The following PCDH15 variants were observed in gnomAD, a reference collection of about 807,000 sequenced individuals.
The protein encoded by PCDH15 is protocadherin related 15, also known as protocadherin-15.
Under a neutral mutation model 178.5 loss-of-function variants are expected in PCDH15, and 129 were observed. The observed-to-expected ratio is 0.72, with a 90% confidence interval of 0.63 to 0.84. The LOEUF (loss-of-function observed/expected upper bound fraction) is 0.84, where lower values mean the gene tolerates loss of function less well. Among genes scored for constraint, PCDH15 ranks in the 40% least tolerant of loss-of-function variants. The pLI, the probability that PCDH15 is intolerant of heterozygous loss-of-function variation, is 0.00. For missense variants in PCDH15, 2,230 were observed against 2,099.9 expected (o/e 1.06, Z -1.21); for synonymous variants, 800 against 732.0 (o/e 1.09, Z -1.50).
intron 2 of PCDH15, among the ~76,000 whole-genome samples, chr10:54,618,391 A>G (rs1000472149): frequency 1.3e-5 from 2 of 152,134 alleles, no homozygotes; most frequent in African/African-American, 4.8e-5. Context: ...AACATACATT[A>G]TGATGTAAAA....
At chr10:54,369,901 T>G (rs1274461498) in intron 4 of PCDH15, among the ~76,000 whole-genome samples, 1 of 152,034 alleles carries the variant, frequency 6.6e-6, no homozygotes, top group African/African-American at 2.4e-5. Context: ...TAGCATTTTT[T>G]GTATAATACT....
At chr10:54,801,592 T>C (rs1328616978), upstream of PCDH15, among the ~76,000 whole-genome samples, 2 of 152,222 alleles carry the variant, frequency 1.3e-5, no homozygotes, top group African/African-American at 2.4e-5. Context: ...GTTGACAAGA[T>C]AAAATAATCT....
At chr10:54,411,892 A>G (rs1343424563) in intron 3 of PCDH15, among the ~76,000 whole-genome samples, 1 of 152,136 alleles carries the variant, frequency 6.6e-6, no homozygotes, top group Non-Finnish European at 1.5e-5. Context: ...AGATTATTTA[A>G]TTTATTCTCT....
intron 1 of PCDH15, among the ~76,000 whole-genome samples, chr10:54,676,748 C>T (rs6481116): frequency 0.7 from 106,723 of 152,004 alleles, 39,950 homozygotes; most frequent in Middle Eastern, 0.86. Flanking sequence ...TACTATCTTA[C>T]GATTCAGCAA....
At chr10:53,946,238 A>C (rs1279590030) in intron 23 of PCDH15, among the ~76,000 whole-genome samples, 2 of 152,132 alleles carry the variant, frequency 1.3e-5, no homozygotes, top group South Asian at 2.1e-4. Context: ...CCCAGAATGC[A>C]GTGGAGGGAA....
In PCDH15 at chr10:55,164,839, G is replaced by A. The variant is rs868177151; in HGVS notation, c.-80+1737C>T. On this transcript the variant is annotated intron_variant, in intron 2 of 5. Coordinates refer to the PCDH15 transcript ENST00000458638. ...TTGTACACACTCTTACTACGCAAGC[G>A]GATTGAAAAGGTGTACGTGTAGAGT... Among the ~76,000 whole-genome samples, 31 of 152,110 alleles carry A rather than the reference G, an allele frequency of 2.0e-4. No homozygotes were observed. The Middle Eastern group carries it at 0.01, about 50-fold the overall frequency.
At chr10:54,636,731 C>A (rs2093862846) in intron 2 of PCDH15, among the ~76,000 whole-genome samples, 1 of 151,866 alleles carries the variant, frequency 6.6e-6, no homozygotes, top group African/African-American at 2.4e-5. Flanking sequence ...GAGCTAATGA[C>A]TGATATGACA....
intron 1 of PCDH15, among the ~76,000 whole-genome samples, chr10:55,212,051 AC>A (rs1364330196): frequency 2.0e-5 from 3 of 152,100 alleles, no homozygotes; most frequent in African/African-American, 7.3e-5. Context: ...GAAAACAGCT[AC>A]CTGTGGGCCA....
At chr10:54,024,836 T>G (rs1169971451) in intron 18 of PCDH15, among the ~76,000 whole-genome samples, 1 of 152,038 alleles carries the variant, frequency 6.6e-6, no homozygotes, top group South Asian at 2.1e-4. Flanking sequence ...AACACTGCCT[T>G]CTCCCTTTTT....
chr10:54,022,029 T>C (rs901995413), intron 19 of PCDH15, among the ~76,000 whole-genome samples: 1 of 152,108 alleles, frequency 6.6e-6, no homozygotes, highest in Non-Finnish European at 1.5e-5. Context: ...TTAATGTTTA[T>C]TGCTGAGTTC....
intron 1 of PCDH15, among the ~76,000 whole-genome samples, chr10:55,216,228 T>C (rs1394740659): frequency 6.6e-6 from 1 of 152,006 alleles, no homozygotes; most frequent in African/African-American, 2.4e-5. Flanking sequence ...TTCTGATATA[T>C]GTTGAAAGTC....
chr10:55,230,685 G>A (rs1027293383), intron 1 of PCDH15, among the ~76,000 whole-genome samples: 1 of 152,024 alleles, frequency 6.6e-6, no homozygotes, highest in Non-Finnish European at 1.5e-5. Context: ...GTGTCTCAGT[G>A]TGATGTCATG....
chr10:54,381,313 C>T (rs145402555), intron 3 of PCDH15, among the ~76,000 whole-genome samples: 24 of 152,134 alleles, frequency 1.6e-4, no homozygotes, highest in African/African-American at 4.6e-4. Context: ...TCTCCCTATC[C>T]CAGCAGTGGT....
intron 2 of PCDH15, among the ~76,000 whole-genome samples, chr10:54,638,821 A>C (rs573359083): frequency 6.6e-6 from 1 of 152,128 alleles, no homozygotes; most frequent in Non-Finnish European, 1.5e-5. Context: ...TAAAGAAAAC[A>C]TGGTATATAG....
At chr10:54,460,136 G>T (rs1448880570) in intron 3 of PCDH15, among the ~76,000 whole-genome samples, 2 of 152,040 alleles carry the variant, frequency 1.3e-5, no homozygotes, top group African/African-American at 2.4e-5. Flanking sequence ...AATAAATGGG[G>T]TATAAAGCAG....
intron 2 of PCDH15, among the ~76,000 whole-genome samples, chr10:54,914,936 C>T (rs1178408275): frequency 6.6e-6 from 1 of 152,138 alleles, no homozygotes; most frequent in African/African-American, 2.4e-5. Context: ...GCAGAAAAAG[C>T]AAAGATACAA....
At chr10:55,120,632 GA>G (rs913556849) in intron 2 of PCDH15, among the ~76,000 whole-genome samples, 24 of 152,198 alleles carry the variant, frequency 1.6e-4, no homozygotes, top group African/African-American at 5.5e-4. Context: ...TGTTTTTAGG[GA>G]AACAGGGAAA....
At chr10:55,400,052 T>C (rs1027530559) in intron 2 of PCDH15, among the ~76,000 whole-genome samples, 2 of 152,160 alleles carry the variant, frequency 1.3e-5, no homozygotes, top group Non-Finnish European at 1.5e-5. Flanking sequence ...ATTAACAATC[T>C]ATGTGTTCAA....
chr10:55,146,995 T>A (rs1838532631), intron 2 of PCDH15, among the ~76,000 whole-genome samples: 1 of 151,754 alleles, frequency 6.6e-6, no homozygotes, highest in East Asian at 1.9e-4. Context: ...TCTATTTTAT[T>A]ACTTTAAAAT....
Sources: gnomAD v4.1 joint callset for allele counts (sites outside exome capture counted in the v4.1 genomes callset) on GRCh38, gnomAD v4.1.1 for gene constraint, MANE v1.5 for transcripts, NCBI Gene and HGNC (gene_info 2026-07-23, HGNC 2026-07-21) for gene names.